ZBTB7B: variants seen among roughly 807,000 people sequenced by gnomAD.
The protein encoded by ZBTB7B is zinc finger and BTB domain-containing protein 7B.
Under a neutral mutation model 31.0 loss-of-function variants are expected in ZBTB7B, and 8 were observed. The observed-to-expected ratio is 0.26, with a 90% CI of 0.15 to 0.47. The LOEUF (loss-of-function observed/expected upper bound fraction) is 0.47. Among genes scored for constraint, ZBTB7B ranks in the 20% least tolerant of loss-of-function variants. The probability of loss-of-function intolerance (pLI) is 0.99; values close to 1 mark genes in which losing one functional copy is unlikely to be tolerated. For missense variants in ZBTB7B, 494 were observed against 742.4 expected (o/e 0.67, Z 3.89); for synonymous variants, 261 against 307.3 (o/e 0.85, Z 1.58).
At chr1:155,007,462 G>T (rs1328471478) in intron 1 of ZBTB7B, among the ~76,000 whole-genome samples, 1 of 152,224 alleles carries the variant, frequency 6.6e-6, no homozygotes, top group Non-Finnish European at 1.5e-5. Context: ...GGGAATGCCG[G>T]GAGGTTGGCA....
intron 1 of ZBTB7B, chr1:155,010,823 G>A: frequency 2.8e-6 from 3 of 1,053,646 alleles, no homozygotes; most frequent in Non-Finnish European, 4.2e-6. Context: ...GGGGGTGGAG[G>A]GAGAAAGGAG....
chr1:155,011,286 G>A (rs577536840), intron 1 of ZBTB7B, among the ~76,000 whole-genome samples: 20 of 152,356 alleles, frequency 1.3e-4, no homozygotes, highest in Non-Finnish European at 2.5e-4. Flanking sequence ...GTCAGCACCC[G>A]GAAAGAGTTC....
intron 2 of ZBTB7B, 127 bp downstream of exon 2, chr1:155,015,941 G>T: frequency 8.1e-7 from 1 of 1,228,652 alleles, no homozygotes; most frequent in Non-Finnish European, 1.1e-6. Flanking sequence ...GGCATGGGTG[G>T]GTTACTGGAG....
In ZBTB7B at chr1:155,018,455, T is replaced by A; in HGVS notation, c.*1770T>A. On this transcript the variant is annotated 3_prime_UTR_variant, in exon 3 of 3. Coordinates refer to ENST00000535420, the MANE Select transcript of ZBTB7B (RefSeq NM_001256455.2). ...GAGGCACTCCCCCCCTCCTATTCCC[T>A]TCCCCCCACCCCAACTCCCCCACCT... is the stretch of plus-strand genomic sequence containing the variant. The A allele has an allele frequency of 8.5e-5, 102 of 1,198,956 alleles. No individual in the cohort carries two copies. The highest frequency in any genetic ancestry group is 5.8e-4 in the Middle Eastern group (2 of 3,446). 74.3% of individuals were successfully genotyped at this position (1,198,956 alleles called of 1,614,324 possible).
In ZBTB7B at chr1:155,016,216, C is replaced by G. The variant is rs114317694; in HGVS notation, c.1155-4C>G. ...TCCCTGCCCCTCACCCCTGCCTGTG[C>G]CAGGAACGACAAGCTGAAGATCCAC... On this transcript the variant is annotated splice_region_variant and splice_polypyrimidine_tract_variant and intron_variant, in intron 2 of 2. Transcript: ENST00000535420. This position sits in a 1 kb window ranked among gnomAD's most constrained non-coding sequence, Gnocchi z 4.3. The G allele has an allele frequency of 1.2e-4, 195 of 1,611,486 alleles. No homozygotes were observed. The African/African-American group carries it at 1.7e-3, about 14-fold the overall frequency.
rs1173010202 is a variant in ZBTB7B at position 155,016,526 on chromosome 1, C to T, written c.1461C>T (p.Ser487=). Residue 487 remains serine (S), a synonymous_variant, in exon 3 of 3, where the codon TCC becomes TCT. Transcript: ENST00000535420. The surrounding 1 kb of genome is among the most constrained non-coding windows in gnomAD (Gnocchi z 4.3). Reference sequence around the variant, plus strand: ...CATCCCCCGCTGGCCTCGACCTCTCCAATGGCCACCTGGACACCTTCCGCC... The same window carrying T: ...CATCCCCCGCTGGCCTCGACCTCTCTAATGGCCACCTGGACACCTTCCGCC... The part of the protein sequence containing the change: ...AAASPAGLDL[S]NGHLDTFRLS... 6.2e-7 allele frequency: 1 copy of T among 1,614,102 alleles called. No homozygotes were observed. Among genetic ancestry groups the T allele is most frequent in the African/African-American group, 1.3e-5 (1 of 75,058 alleles).
intron 1 of ZBTB7B, among the ~76,000 whole-genome samples, chr1:155,006,589 C>T (rs903294290): frequency 1.3e-5 from 2 of 152,216 alleles, no homozygotes; most frequent in Non-Finnish European, 2.9e-5. Context: ...TATCTTTTGA[C>T]ATCACTGATC....
chr1:155,003,131 A>G lies in ZBTB7B; in HGVS notation c.-7+188A>G, dbSNP rs1448194420. Reference sequence around the variant, plus strand: ...TGGAATTGGTTTTAACTGAGATGAAAGACAGAGAAGGAACTGCGGATGCCC... The same window carrying G: ...TGGAATTGGTTTTAACTGAGATGAAGGACAGAGAAGGAACTGCGGATGCCC... On this transcript the variant is annotated intron_variant, in intron 1 of 2. Transcript: ENST00000535420. This position sits in a 1 kb window ranked among gnomAD's most constrained non-coding sequence, Gnocchi z 5.8. Among the ~76,000 whole-genome samples, 2 of 152,172 alleles carry G rather than the reference A, an allele frequency of 1.3e-5. No homozygotes were observed. Among genetic ancestry groups the G allele is most frequent in the African/African-American group, 4.8e-5 (2 of 41,440 alleles).
chr1:155,009,353 C>A (rs979967240), intron 1 of ZBTB7B, among the ~76,000 whole-genome samples: 1 of 149,166 alleles, frequency 6.7e-6, no homozygotes, highest in Non-Finnish European at 1.5e-5. Context: ...CCAGCCAGCT[C>A]GGTTACCCAG....
upstream of ZBTB7B, chr1:155,002,716 G>A (rs1249632910): frequency 7.3e-6 from 1 of 136,300 alleles, no homozygotes; most frequent in Non-Finnish European, 1.6e-5. Flanking sequence ...GGGGGCGGGT[G>A]GGAGCCAGGT....
intron 1 of ZBTB7B, chr1:155,011,162 G>T (rs1394687356): frequency 1.5e-5 from 12 of 797,212 alleles, no homozygotes; most frequent in East Asian, 1.3e-4. Context: ...GGGAAAGGGG[G>T]GTCAGCTTTA....
chr1:155,011,818 A>G (rs1292211380), intron 1 of ZBTB7B, among the ~76,000 whole-genome samples: 1 of 152,230 alleles, frequency 6.6e-6, no homozygotes, highest in Non-Finnish European at 1.5e-5. Flanking sequence ...CCCTGGCACC[A>G]GTGCCCTGCC....
chr1:155,004,109 G>A lies in ZBTB7B; in HGVS notation c.-7+1166G>A, dbSNP rs957999990. The stretch of plus-strand genomic sequence containing the variant: ...AGCCTGGGTCCGGAGCAGGGGAGGG[G>A]CAGAGGCGCCGGTGCTAGCTGACCC... On this transcript the variant is annotated intron_variant, in intron 1 of 2. Coordinates refer to ENST00000535420, the MANE Select transcript of ZBTB7B (RefSeq NM_001256455.2). This position sits in a 1 kb window ranked among gnomAD's most constrained non-coding sequence, Gnocchi z 4.0. Among the ~76,000 whole-genome samples the A allele has an allele frequency of 2.6e-5, 4 of 152,218 alleles. No individual in the cohort carries two copies. Among genetic ancestry groups the A allele is most frequent in the African/African-American group, 4.8e-5 (2 of 41,458 alleles).
At chr1:155,009,779 C>T (rs963883321) in intron 1 of ZBTB7B, among the ~76,000 whole-genome samples, 1 of 152,260 alleles carries the variant, frequency 6.6e-6, no homozygotes. Context: ...GATTTAATTC[C>T]TCTGCGGCTC....
rs139774172 is a variant in ZBTB7B, at chr1:155,015,471, G to A, written c.811G>A (p.Glu271Lys). Reference sequence around the variant, plus strand: ...CCCTCCTGAGGGTCCCCAGAGCTACGAACCCTATGAGGGTGAGGAAGAAGA... The same window carrying A: ...CCCTCCTGAGGGTCCCCAGAGCTACAAACCCTATGAGGGTGAGGAAGAAGA... ...ASPPEGPQSYEPYEGEEEEEE... is the reference protein window; with the variant it reads ...ASPPEGPQSYKPYEGEEEEEE... Residue 271 changes from glutamate (E) to lysine (K), a missense_variant, in exon 2 of 3, where the codon GAA becomes AAA. By Grantham distance (56) the Glu-to-Lys change is moderately conservative. Transcript: ENST00000535420. 115 of 1,604,840 alleles carry A rather than the reference G, an allele frequency of 7.2e-5. No individual in the cohort carries two copies. Among genetic ancestry groups the A allele is most frequent in the African/African-American group, 3.8e-4 (28 of 74,646 alleles).
chr1:155,001,801 G>C (rs1338273678), upstream of ZBTB7B, among the ~76,000 whole-genome samples: 2 of 151,654 alleles, frequency 1.3e-5, no homozygotes, highest in African/African-American at 4.8e-5. The surrounding 1 kb of genome is among the most constrained non-coding windows in gnomAD (Gnocchi z 4.8). Context: ...GCACCGTCAC[G>C]CGTGGGGAGG....
rs1553257710 is a variant in ZBTB7B at position 155,017,361 on chromosome 1, G to GGGCCCCGCTAC, written c.*684_*685insTACGGCCCCGC. The GGGCCCCGCTAC allele has an allele frequency of 1.3e-5, 2 of 152,448 alleles. No homozygotes were observed. Among genetic ancestry groups the GGGCCCCGCTAC allele is most frequent in the Non-Finnish European group, 2.9e-5 (2 of 68,324 alleles). The allele number at this position is 152,448 out of a possible 1,614,324, so 9.4% of individuals were successfully genotyped here. ...TCGCCTGCCCCTGGGGGCAGTAGAG[G>GGGCCCCGCTAC]GGCCCCGCCCAGCTAGGGGAGCCGC... On this transcript the variant is annotated 3_prime_UTR_variant, in exon 3 of 3. Coordinates refer to ENST00000535420, the MANE Select transcript of ZBTB7B (RefSeq NM_001256455.2).
intron 1 of ZBTB7B, among the ~76,000 whole-genome samples, chr1:155,005,814 G>A (rs990236404): frequency 5.9e-5 from 9 of 152,140 alleles, no homozygotes; most frequent in African/African-American, 2.2e-4. Context: ...TAAACTTGAC[G>A]TTTTGCCCGG....
Position 155,016,268 on chromosome 1 carries a change from C to G in ZBTB7B, c.1203C>G (p.Pro401=), listed in dbSNP as rs1025298419. Residue 401 remains proline (P), a synonymous_variant, in exon 3 of 3, where the codon CCC becomes CCG. Transcript: ENST00000535420. The surrounding 1 kb of genome is among the most constrained non-coding windows in gnomAD (Gnocchi z 4.3). ...TGCGGAAGCACACGGGAGAGCGCCC[C>G]TACTCATGCCCGCACTGCCCAGCCC... The part of the protein sequence containing the change: ...IHMRKHTGER[P]YSCPHCPARF... 1.2e-6 allele frequency: 2 copies of G among 1,613,898 alleles called. No individual in the cohort carries two copies. The highest frequency in any genetic ancestry group is 2.7e-5 in the African/African-American group (2 of 74,854).
Sources: gnomAD v4.1 joint callset for allele counts (sites outside exome capture counted in the v4.1 genomes callset) on GRCh38, gnomAD v4.1.1 for gene constraint, Gnocchi (gnomAD v3.1) non-coding constraint, MANE v1.5 for transcripts, NCBI Gene and HGNC (gene_info 2026-07-23, HGNC 2026-07-21) for gene names.